The following THBS4 variants were observed in gnomAD, a reference collection of about 807,000 sequenced individuals.
THBS4 encodes the protein thrombospondin 4.
THBS4 carries 90 observed loss-of-function variants against 115.7 expected under a neutral mutation model. The observed-to-expected ratio is 0.78, with a 90% CI of 0.66 to 0.93. The LOEUF (loss-of-function observed/expected upper bound fraction) is 0.93, where lower values mean the gene tolerates loss of function less well. Among genes scored for constraint, THBS4 ranks in the 40% least tolerant of loss-of-function variants. The pLI, the probability that THBS4 is intolerant of heterozygous loss-of-function variation, is 0.00. For missense variants in THBS4, 1,087 were observed against 1,232.7 expected (o/e 0.88, Z 1.77); for synonymous variants, 460 against 479.3 (o/e 0.96, Z 0.53).
At chr5:80,036,005 C>G in intron 1 of THBS4, 1 of 1,012,402 alleles carries the variant, frequency 9.9e-7, no homozygotes, top group Non-Finnish European at 1.2e-6. Context: ...GCCTTGCTCC[C>G]TAAATCCTTC....
chr5:80,081,156 TCTC>T (rs762596873), intron 20 of THBS4, among the ~76,000 whole-genome samples: 1 of 152,136 alleles, frequency 6.6e-6, no homozygotes, highest in Non-Finnish European at 1.5e-5. Flanking sequence ...CTGAGTGCAT[TCTC>T]CTCATCAGGG....
At chr5:80,003,136 T>C (rs1467458149) in intron 2 of THBS4, among the ~76,000 whole-genome samples, 1 of 152,140 alleles carries the variant, frequency 6.6e-6, no homozygotes, top group East Asian at 1.9e-4. Context: ...ATCGATATTA[T>C]TAAGAGAGGG....
chr5:80,004,193 G>T (rs925582689), intron 2 of THBS4, among the ~76,000 whole-genome samples: 2 of 152,188 alleles, frequency 1.3e-5, no homozygotes, highest in African/African-American at 2.4e-5. Flanking sequence ...GTGTCATTCA[G>T]GGTTGATTTA....
intron 8 of THBS4, among the ~76,000 whole-genome samples, chr5:80,064,615 C>T (rs1357718868): frequency 2.0e-5 from 3 of 152,166 alleles, no homozygotes; most frequent in Non-Finnish European, 4.4e-5. Context: ...CCTGTGGTCC[C>T]AGCAACCTTG....
At chr5:80,002,551 A>G (rs1249299782) in intron 2 of THBS4, among the ~76,000 whole-genome samples, 1 of 152,070 alleles carries the variant, frequency 6.6e-6, no homozygotes, top group Non-Finnish European at 1.5e-5. Context: ...AACGATGTTC[A>G]TGCTTTTTCA....
chr5:80,044,733 AT>A (rs11362890), intron 2 of THBS4, among the ~76,000 whole-genome samples: 37,854 of 149,278 alleles, frequency 0.25, 5,410 homozygotes, highest in African/African-American at 0.4. Context: ...CCAAAAAAAG[AT>A]TTTTTTTTTT....
chr5:80,079,219 C>G lies in THBS4; in HGVS notation c.2472C>G (p.Thr824=). Residue 824 remains threonine (T), a synonymous_variant, in exon 19 of 22, where the codon ACC becomes ACG. Transcript: ENST00000350881. ...KQTEQTYWQA[T]PFRAVAEPGI... is the part of the protein sequence containing the mutation. ...CGGAGCAGACATATTGGCAAGCCACCCCATTCCGAGCAGTTGCAGAACCTG... is the reference window on the plus strand; with the variant it reads ...CGGAGCAGACATATTGGCAAGCCACGCCATTCCGAGCAGTTGCAGAACCTG... 1 of 1,613,814 alleles carries G rather than the reference C, an allele frequency of 6.2e-7. No homozygotes were observed. The highest frequency in any genetic ancestry group is 2.2e-5 in the East Asian group (1 of 44,888).
intron 15 of THBS4, 71 bp downstream of exon 15, chr5:80,073,398 TTTTG>T: frequency 6.9e-7 from 1 of 1,455,080 alleles, no homozygotes; most frequent in East Asian, 2.3e-5. Flanking sequence ...TTGTTTTTTT[TTTTG>T]AGGCGGAGTC....
upstream of THBS4, chr5:80,033,253 G>C (rs559489737): frequency 4.8e-6 from 2 of 412,916 alleles, no homozygotes; most frequent in Non-Finnish European, 9.9e-6. Flanking sequence ...GCACTGCAGG[G>C]TGCCCTCCAA....
chr5:80,055,739 C>T (rs765528458), intron 2 of THBS4, 46 bp from the exon 3 acceptor site: 5 of 1,579,132 alleles, frequency 3.2e-6, no homozygotes, highest in Non-Finnish European at 3.5e-6. Context: ...TCCACTTCCC[C>T]CTCTGCCACT....
intron 1 of THBS4, among the ~76,000 whole-genome samples, chr5:79,997,388 A>ATG (rs754234276): frequency 8.9e-4 from 135 of 151,368 alleles, no homozygotes; most frequent in South Asian, 4.0e-3. Context: ...GTATGCGTGT[A>ATG]TGTGTGTGTG....
intron 5 of THBS4, 37 bp from the exon 6 acceptor site, chr5:80,059,403 C>G: frequency 6.3e-7 from 1 of 1,597,752 alleles, no homozygotes; most frequent in Non-Finnish European, 8.6e-7. Context: ...ATCAGGCATT[C>G]CTTTTCAATC....
intron 2 of THBS4, among the ~76,000 whole-genome samples, chr5:80,007,672 G>C (rs1832045423): frequency 6.6e-6 from 1 of 152,208 alleles, no homozygotes; most frequent in Middle Eastern, 3.2e-3. Context: ...ATTGTGAATA[G>C]AACTGTAGCC....
intron 2 of THBS4, among the ~76,000 whole-genome samples, chr5:80,006,477 C>G (rs980886258): frequency 6.6e-6 from 1 of 152,224 alleles, no homozygotes; most frequent in African/African-American, 2.4e-5. Flanking sequence ...GCTTCCCCAG[C>G]CATGTGGAAC....
chr5:80,000,243 G>A (rs1831870313), intron 2 of THBS4, among the ~76,000 whole-genome samples: 9 of 152,162 alleles, frequency 5.9e-5, no homozygotes. Flanking sequence ...ACAGCATTTA[G>A]TTGGCACATA....
chr5:80,077,590 G>A (rs1041378539), intron 16 of THBS4, among the ~76,000 whole-genome samples: 2 of 152,236 alleles, frequency 1.3e-5, no homozygotes, highest in Non-Finnish European at 2.9e-5. Flanking sequence ...ATGCAAAAAT[G>A]CCAGCACGTT....
chr5:80,053,298 G>A (rs893618629), intron 2 of THBS4, among the ~76,000 whole-genome samples: 1 of 151,280 alleles, frequency 6.6e-6, no homozygotes, highest in African/African-American at 2.4e-5. Flanking sequence ...TAATTATACT[G>A]TAATTTAAGT....
At chr5:80,013,851 G>A (rs781339984) in intron 2 of THBS4, among the ~76,000 whole-genome samples, 1 of 152,216 alleles carries the variant, frequency 6.6e-6, no homozygotes, top group Non-Finnish European at 1.5e-5. Context: ...GGCCTAAAAC[G>A]TAGTAAGCAC....
chr5:80,083,112 AC>A lies in THBS4; in HGVS notation c.2860del (p.Gln954ArgfsTer?). ...TIPEDFQEFQ[T>X]QNFDRFDN Reference sequence around the variant, plus strand: ...CCCTGAGGACTTCCAAGAGTTTCAAACCCAGAATTTCGACCGCTTCGATAAT... The same window carrying A: ...CCCTGAGGACTTCCAAGAGTTTCAAACCAGAATTTCGACCGCTTCGATAAT... On this transcript the variant is annotated frameshift_variant, in exon 22 of 22. Coordinates refer to ENST00000350881, the MANE Select transcript of THBS4 (RefSeq NM_003248.6). LOFTEE classifies it high-confidence loss of function. 6.2e-7 allele frequency: 1 copy of A among 1,614,044 alleles called. No homozygotes were observed. The highest frequency in any genetic ancestry group is 8.5e-7 in the Non-Finnish European group (1 of 1,179,910).
Sources: allele counts gnomAD v4.1 joint callset (sites outside exome capture counted in the v4.1 genomes callset), GRCh38; gene constraint gnomAD v4.1.1; transcripts MANE v1.5; gene names NCBI Gene and HGNC (gene_info 2026-07-23, HGNC 2026-07-21).